The following OBP2B variants were observed in gnomAD, a reference collection of about 807,000 sequenced individuals.
OBP2B encodes the protein odorant-binding protein 2b.
Under a neutral mutation model 21.7 loss-of-function variants are expected in OBP2B, and 10 were observed. The observed-to-expected ratio is 0.46, with a 90% CI of 0.28 to 0.78. The LOEUF (loss-of-function observed/expected upper bound fraction) is 0.78, where lower values mean the gene tolerates loss of function less well. Ranked by LOEUF, OBP2B falls within the 30% of genes least tolerant of loss-of-function variation. OBP2B has a pLI of 0.11. For synonymous variants in OBP2B, 73 were observed against 91.5 expected, an observed-to-expected ratio of 0.80 and a Z score of 1.16; for missense variants, 153 against 217.7, an observed-to-expected ratio of 0.70 and a Z score of 1.87.
chr9:133,218,917 A>T, the OBP2B span, among the ~76,000 whole-genome samples: 5 of 152,366 alleles, frequency 3.3e-5, no homozygotes, highest in East Asian at 5.8e-4. Flanking sequence ...ATGCAGACAG[A>T]GGGTGGAACT....
At chr9:133,208,703 G>C (rs1419768845) in intron 1 of OBP2B, 101 bp from the exon 2 acceptor site, 1 of 1,525,476 alleles carries the variant, frequency 6.6e-7, no homozygotes, top group Non-Finnish European at 8.8e-7. Flanking sequence ...CATGGTGCCC[G>C]GCTGCTGCCC....
At chr9:133,213,284 T>C (rs577148532), upstream of OBP2B, among the ~76,000 whole-genome samples, 5 of 152,154 alleles carry the variant, frequency 3.3e-5, no homozygotes, top group South Asian at 2.1e-4. Flanking sequence ...GAGACACAGC[T>C]AAATCAGTGC....
At chr9:133,207,369 G>A (rs782016972) in intron 3 of OBP2B, 33 bp from the exon 4 acceptor site, 5 of 1,394,736 alleles carry the variant, frequency 3.6e-6, no homozygotes, top group Non-Finnish European at 5.1e-6. Context: ...GTCATTCCCA[G>A]AGAGAACACT....
the OBP2B span, among the ~76,000 whole-genome samples, chr9:133,216,791 C>T: frequency 4.9e-4 from 74 of 151,998 alleles, no homozygotes; most frequent in African/African-American, 1.7e-3. Context: ...TTGCAATAGA[C>T]GACATTCTTG....
the OBP2B span, among the ~76,000 whole-genome samples, chr9:133,214,734 TAA>T: frequency 6.6e-6 from 1 of 152,124 alleles, no homozygotes; most frequent in Non-Finnish European, 1.5e-5. Context: ...AAGGGAGAAA[TAA>T]AGAGTTTCGA....
intron 5 of OBP2B, 44 bp downstream of exon 5, chr9:133,206,271 G>A: frequency 1.9e-6 from 3 of 1,578,896 alleles, no homozygotes. Context: ...ATAGCAGACA[G>A]ACACAGCAGA....
At chr9:133,216,481 G>T in the OBP2B span, among the ~76,000 whole-genome samples, 33 of 145,574 alleles carry the variant, frequency 2.3e-4, no homozygotes, top group African/African-American at 8.3e-4. Context: ...GGCTTGACAG[G>T]TTTAAAAAAA....
the OBP2B span, among the ~76,000 whole-genome samples, chr9:133,220,564 T>G: frequency 1.3e-5 from 2 of 152,150 alleles, no homozygotes; most frequent in Admixed American, 1.3e-4. Context: ...CACATCCTCA[T>G]CCCTGGCCCT....
At chr9:133,212,959 C>G (rs1159443393), upstream of OBP2B, among the ~76,000 whole-genome samples, 1 of 150,772 alleles carries the variant, frequency 6.6e-6, no homozygotes, top group Non-Finnish European at 1.5e-5. Context: ...GGCACAGTGG[C>G]TTATGCCTAT....
intron 3 of OBP2B, chr9:133,207,775 TA>T: frequency 9.2e-7 from 1 of 1,086,072 alleles, no homozygotes; most frequent in Non-Finnish European, 1.3e-6. Context: ...TCCCCATCCT[TA>T]ACCCTCAGCT....
At chr9:133,208,071 A>T in intron 3 of OBP2B, 62 bp downstream of exon 3, 3 of 1,360,062 alleles carry the variant, frequency 2.2e-6, no homozygotes, top group Non-Finnish European at 2.9e-6. Context: ...CTACCTGTGG[A>T]GGCTGGTGCA....
the OBP2B span, among the ~76,000 whole-genome samples, chr9:133,216,825 A>G: frequency 6.6e-6 from 1 of 152,188 alleles, no homozygotes; most frequent in Non-Finnish European, 1.5e-5. Flanking sequence ...TCAGGAGTGG[A>G]GAACAGGTCT....
the OBP2B span, among the ~76,000 whole-genome samples, chr9:133,221,451 G>A: frequency 6.6e-6 from 1 of 152,200 alleles, no homozygotes; most frequent in Non-Finnish European, 1.5e-5. Context: ...ACGGCATGAA[G>A]TGACACCACA....
At chr9:133,213,572 A>G (rs546894899), upstream of OBP2B, among the ~76,000 whole-genome samples, 2 of 152,320 alleles carry the variant, frequency 1.3e-5, no homozygotes, top group South Asian at 4.1e-4. Context: ...AAAAAAAGAA[A>G]GAAAGACACA....
At chr9:133,207,448 A>G (rs1363746651) in intron 3 of OBP2B, 112 bp from the exon 4 acceptor site, 2 of 719,820 alleles carry the variant, frequency 2.8e-6, no homozygotes, top group Non-Finnish European at 4.8e-6. Flanking sequence ...AGCCTGAGCC[A>G]GGCCTGGCTG....
chr9:133,219,095 G>T, the OBP2B span, among the ~76,000 whole-genome samples: 1 of 152,240 alleles, frequency 6.6e-6, no homozygotes, highest in African/African-American at 2.4e-5. Flanking sequence ...AAAGACTGAG[G>T]TGGGACCTCA....
the OBP2B span, among the ~76,000 whole-genome samples, chr9:133,219,482 A>T: frequency 9.7e-4 from 148 of 152,366 alleles, no homozygotes; most frequent in Non-Finnish European, 1.7e-3. Context: ...TTCAGAGAAG[A>T]TATAAAAATG....
intron 4 of OBP2B, 78 bp from the exon 5 acceptor site, chr9:133,206,494 G>A (rs1351837383): frequency 4.6e-5 from 73 of 1,577,478 alleles, no homozygotes; most frequent in African/African-American, 2.4e-4. Context: ...GAAAGGAGAC[G>A]ACCACGGCCC....
the OBP2B span, among the ~76,000 whole-genome samples, chr9:133,214,958 G>A: frequency 6.6e-6 from 1 of 152,174 alleles, no homozygotes; most frequent in Non-Finnish European, 1.5e-5. Context: ...AATTGGAAAG[G>A]AAGGAAGAAA....
Sources: gnomAD v4.1 joint callset for allele counts (sites outside exome capture counted in the v4.1 genomes callset) on GRCh38, gnomAD v4.1.1 for gene constraint, MANE v1.5 for transcripts, NCBI Gene and HGNC (gene_info 2026-07-23, HGNC 2026-07-21) for gene names.